Variants in CHIC1 observed in about 807,000 individuals in gnomAD.
CHIC1 encodes cysteine rich hydrophobic domain 1, also known as cysteine-rich hydrophobic domain-containing protein 1.
In CHIC1, 7 loss-of-function variants were observed where a neutral mutation model predicts 18.5. The ratio of observed to expected loss-of-function variants is 0.38; its 90% confidence interval spans 0.22 to 0.71. The LOEUF is 0.71. Ranked by LOEUF, CHIC1 falls within the 30% of genes least tolerant of loss-of-function variation. CHIC1 has a pLI of 0.49. For missense variants in CHIC1, 159 were observed against 176.9 expected (o/e 0.90, Z 0.57); for synonymous variants, 77 against 73.5 (o/e 1.05, Z -0.25).
At chrX:73,634,158 T>A (rs779785498) in intron 3 of CHIC1, among the ~76,000 whole-genome samples, 3 of 112,245 alleles carry the variant, frequency 2.7e-5, no homozygotes, top group Non-Finnish European at 5.6e-5. Flanking sequence ...ACTCACCTTC[T>A]CCAGTCTTTA....
rs1386496948 is a variant in CHIC1 at position 73,683,956 on chromosome X, C to T, written c.*2951C>T. The T allele has an allele frequency of 1.8e-5, 2 of 111,913 alleles. No homozygotes were observed. Among genetic ancestry groups the T allele is most frequent in the African/African-American group, 6.5e-5 (2 of 30,836 alleles). The allele number at this position is 111,913 out of a possible 1,213,427, so 9.2% of individuals were successfully genotyped here. On this transcript the variant is annotated 3_prime_UTR_variant, in exon 6 of 6. Coordinates refer to ENST00000373502, the MANE Select transcript of CHIC1 (RefSeq NM_001039840.4). ...TAGGAAAGAGACCACTGTAGTAAAA[C>T]TTTAGAAGAAGATGGAGAAGTGCCT... is the stretch of plus-strand genomic sequence containing the variant.
intron 3 of CHIC1, among the ~76,000 whole-genome samples, chrX:73,643,445 T>G (rs1224045170): frequency 4.5e-5 from 5 of 111,364 alleles, no homozygotes; most frequent in Admixed American, 3.8e-4. Flanking sequence ...TTCTCCTGGA[T>G]AATATCCTGC....
At chrX:73,584,724 C>A (rs1274761767) in intron 3 of CHIC1, among the ~76,000 whole-genome samples, 152 bp downstream of exon 3, 3 of 111,719 alleles carry the variant, frequency 2.7e-5, no homozygotes, top group Non-Finnish European at 5.7e-5. Flanking sequence ...AACTTGGGGA[C>A]AGGTACATTG....
At chrX:73,633,424 A>AATG (rs2057817521) in intron 3 of CHIC1, among the ~76,000 whole-genome samples, 1 of 111,116 alleles carries the variant, frequency 9.0e-6, no homozygotes, top group Non-Finnish European at 1.9e-5. Context: ...AATGGTGAAT[A>AATG]GTTCCCTTAG....
intron 2 of CHIC1, among the ~76,000 whole-genome samples, chrX:73,581,306 C>T (rs1449452566): frequency 9.0e-6 from 1 of 110,557 alleles, no homozygotes; most frequent in Non-Finnish European, 1.9e-5. Context: ...CTTTACCCCA[C>T]CTTTATGGTG....
intron 1 of CHIC1, among the ~76,000 whole-genome samples, chrX:73,565,404 G>A (rs1265735333): frequency 2.7e-5 from 3 of 111,922 alleles, no homozygotes; most frequent in Non-Finnish European, 5.6e-5. Context: ...TTCATTAGAA[G>A]AACACTGACA....
chrX:73,582,241 A>G (rs2057531295), intron 2 of CHIC1, among the ~76,000 whole-genome samples: 1 of 110,885 alleles, frequency 9.0e-6, no homozygotes, highest in Non-Finnish European at 1.9e-5. Flanking sequence ...AAAATTTACC[A>G]TATTTAAAAA....
intron 3 of CHIC1, among the ~76,000 whole-genome samples, chrX:73,596,697 A>G (rs770005477): frequency 1.8e-5 from 2 of 111,018 alleles, no homozygotes; most frequent in South Asian, 3.8e-4. Context: ...CCAATGGAAC[A>G]GAACAGAGGC....
intron 3 of CHIC1, among the ~76,000 whole-genome samples, chrX:73,631,710 C>T (rs961735516): frequency 5.4e-5 from 6 of 111,524 alleles, no homozygotes; most frequent in African/African-American, 2.0e-4. Flanking sequence ...GCTTTTGTTG[C>T]ATCTCATAAG....
intron 3 of CHIC1, among the ~76,000 whole-genome samples, chrX:73,677,761 G>T (rs1237925752): frequency 8.9e-6 from 1 of 111,934 alleles, no homozygotes; most frequent in Non-Finnish European, 1.9e-5. Flanking sequence ...CCTACTTTCT[G>T]GCCCTCCCCA....
rs2058101787 is a variant in CHIC1, at chrX:73,682,150, G to T, written c.*1145G>T. 9.0e-6 allele frequency: 1 copy of T among 110,677 alleles called. No individual in the cohort carries two copies. The highest frequency in any genetic ancestry group is 3.3e-5 in the African/African-American group (1 of 30,620). 9.1% of individuals were successfully genotyped at this position (110,677 alleles called of 1,213,427 possible). On this transcript the variant is annotated 3_prime_UTR_variant, in exon 6 of 6. Transcript: ENST00000373502. ...AGTATATAGCAGCTGATTCATAATT[G>T]AAAAAAAATTCTCAATTCTGTTTTT...
At chrX:73,679,449 C>CA (rs1483048415) in intron 4 of CHIC1, 67 bp downstream of exon 4, 6 of 783,880 alleles carry the variant, frequency 7.7e-6, no homozygotes, top group Non-Finnish European at 1.1e-5. Context: ...AAAATAAATA[C>CA]AAAATGGGAA....
chrX:73,596,608 C>T (rs2057610092), intron 3 of CHIC1, among the ~76,000 whole-genome samples: 1 of 111,315 alleles, frequency 9.0e-6, no homozygotes, highest in Middle Eastern at 4.2e-3. Context: ...GGAGGCATCA[C>T]ACTATCTGAC....
chrX:73,673,061 G>C, intron 3 of CHIC1, among the ~76,000 whole-genome samples: 1 of 111,052 alleles, frequency 9.0e-6, no homozygotes, highest in Admixed American at 9.6e-5. Context: ...GATAGTTGGA[G>C]ATGTGCGGCA....
intron 2 of CHIC1, among the ~76,000 whole-genome samples, chrX:73,580,726 T>C (rs780232763): frequency 5.4e-5 from 6 of 110,837 alleles, no homozygotes; most frequent in Non-Finnish European, 9.5e-5. Context: ...TGAATAACTG[T>C]GATAGCTAAA....
chrX:73,647,174 A>G (rs1258189569), intron 3 of CHIC1, among the ~76,000 whole-genome samples: 4 of 111,961 alleles, frequency 3.6e-5, no homozygotes, highest in African/African-American at 1.3e-4. Flanking sequence ...GAACTGTGCA[A>G]CCCACGTATT....
At chrX:73,673,798 A>G (rs1416841005) in intron 3 of CHIC1, among the ~76,000 whole-genome samples, 3 of 111,807 alleles carry the variant, frequency 2.7e-5, no homozygotes, top group Non-Finnish European at 5.6e-5. Flanking sequence ...GAATAGGAAT[A>G]GTGAGAGAGG....
At chrX:73,587,442 A>G (rs191312853) in intron 3 of CHIC1, among the ~76,000 whole-genome samples, 1 of 111,552 alleles carries the variant, frequency 9.0e-6, no homozygotes, top group East Asian at 2.9e-4. Context: ...CAGTCATGCT[A>G]TGACTCAAAA....
chrX:73,668,713 T>C (rs186170133), intron 3 of CHIC1, among the ~76,000 whole-genome samples: 2 of 112,015 alleles, frequency 1.8e-5, no homozygotes, highest in East Asian at 5.7e-4. Flanking sequence ...GCAGTCAGCC[T>C]ATTCCTCTGG....
Sources: gnomAD v4.1 joint callset for allele counts (sites outside exome capture counted in the v4.1 genomes callset) on GRCh38, gnomAD v4.1.1 for gene constraint, MANE v1.5 for transcripts, NCBI Gene and HGNC (gene_info 2026-07-23, HGNC 2026-07-21) for gene names.